The following TUBA8 variants were observed in gnomAD, a reference collection of about 807,000 sequenced individuals.
TUBA8 encodes tubulin alpha 8, also known as tubulin alpha-8 chain.
A neutral mutation model predicts 34.7 loss-of-function variants in TUBA8; 29 were observed. That is an observed-to-expected ratio of 0.84 (90% CI 0.62 to 1.14). The LOEUF is 1.14. Ranked by LOEUF, TUBA8 falls within the 50% of genes most tolerant of loss-of-function variation. The pLI is 0.00. For synonymous variants in TUBA8, 226 were observed against 231.2 expected (o/e 0.98, Z 0.21); for missense variants, 541 against 599.2 (o/e 0.90, Z 1.01).
rs1927784616 is a variant in TUBA8 at position 18,110,949 on chromosome 22, G to T, written c.3+81G>T. On this transcript the variant is annotated intron_variant, in intron 1 of 4. Transcript: ENST00000330423. The surrounding 1 kb of genome is among the most constrained non-coding windows in gnomAD (Gnocchi z 6.2). ...AGCCGAGTCTACGCGGAGGCGCACG[G>T]ACCCGTCTTCCTGGAGCCGCAGGGC... 6.5e-7 allele frequency: 1 copy of T among 1,531,800 alleles called. No homozygotes were observed. Among genetic ancestry groups the T allele is most frequent in the South Asian group, 1.2e-5 (1 of 83,892 alleles). 94.9% of individuals were successfully genotyped at this position (1,531,800 alleles called of 1,614,324 possible).
At chr22:18,128,100 CCTCT>C (rs1928396427) in intron 4 of TUBA8, 1 of 152,100 alleles carries the variant, frequency 6.6e-6, no homozygotes, top group Non-Finnish European at 1.5e-5. Context: ...GAGTATGATG[CCTCT>C]CTCTAACAAA....
chr22:18,113,482 G>A (rs1025812801), intron 1 of TUBA8: 3 of 152,270 alleles, frequency 2.0e-5, no homozygotes, highest in Non-Finnish European at 2.9e-5. Flanking sequence ...GCACAGAGAA[G>A]TTTTCTGTGG....
At chr22:18,117,463 T>C (rs1245695134) in intron 1 of TUBA8, 1 of 152,334 alleles carries the variant, frequency 6.6e-6, no homozygotes, top group East Asian at 1.9e-4. Context: ...CCCTCCCAGC[T>C]CTTCATTTCT....
At position 18,110,845 on chromosome 22, in the gene TUBA8, C is replaced by T. The variant is rs1204358072; in HGVS notation, c.-21C>T. On this transcript the variant is annotated 5_prime_UTR_variant, in exon 1 of 5. Transcript: ENST00000330423. This position sits in a 1 kb window ranked among gnomAD's most constrained non-coding sequence, Gnocchi z 6.2. Reference sequence around the variant, plus strand: ...CGGGCAGGCCCAGCTGAGAGGTGCGCGGGCGAGGACAGCGGCAGCGATGGT... The same window carrying T: ...CGGGCAGGCCCAGCTGAGAGGTGCGTGGGCGAGGACAGCGGCAGCGATGGT... 1 of 1,543,060 alleles carries T rather than the reference C, an allele frequency of 6.5e-7. No homozygotes were observed. The highest frequency in any genetic ancestry group is 1.4e-5 in the African/African-American group (1 of 73,712).
Position 18,118,406 on chromosome 22 carries a change from C to G in TUBA8, c.4-3073C>G, listed in dbSNP as rs1928042589. ...TTTTCATCTTGCATCCTGCTTCACTCAAATGCTGCCATCAGTACTTGTGAG... is the reference window on the plus strand; with the variant it reads ...TTTTCATCTTGCATCCTGCTTCACTGAAATGCTGCCATCAGTACTTGTGAG... On this transcript the variant is annotated intron_variant, in intron 1 of 4. Coordinates refer to ENST00000330423, the MANE Select transcript of TUBA8 (RefSeq NM_018943.3). This position sits in a 1 kb window ranked among gnomAD's most constrained non-coding sequence, Gnocchi z 4.0. 6.6e-6 allele frequency: 1 copy of G among 152,250 alleles called. No homozygotes were observed. The highest frequency in any genetic ancestry group is 6.5e-5 in the Admixed American group (1 of 15,282). 9.4% of individuals were successfully genotyped at this position (152,250 alleles called of 1,614,324 possible).
Position 18,118,081 on chromosome 22 carries a change from C to A in TUBA8, c.4-3398C>A, listed in dbSNP as rs1928031013. On this transcript the variant is annotated intron_variant, in intron 1 of 4. Transcript: ENST00000330423. This position sits in a 1 kb window ranked among gnomAD's most constrained non-coding sequence, Gnocchi z 4.0. ...TTAGCGATGCTGAGATTGATCGCGG[C>A]CTTAGGCTGGCGACCCTGGTAGTTA... The A allele has an allele frequency of 6.6e-6, 1 of 152,160 alleles. No homozygotes were observed. The highest frequency in any genetic ancestry group is 2.1e-4 in the South Asian group (1 of 4,822). 9.4% of individuals were successfully genotyped at this position (152,160 alleles called of 1,614,324 possible). A position where few individuals can be genotyped will look rare whatever the true frequency, so the allele number is the denominator to read the frequency against.
chr22:18,123,183 C>T (rs1436863035), intron 2 of TUBA8: 1 of 145,452 alleles, frequency 6.9e-6, no homozygotes, highest in African/African-American at 2.6e-5. Context: ...AAAAGGGAAA[C>T]CTGGAGGAGT....
In TUBA8 at chr22:18,131,412, G is replaced by A. The variant is rs958759343; in HGVS notation, c.*276G>A. ...TGCAGCCCAGTTTCACATGCGAGGA[G>A]GCCTAATCAGGAGTTTCAATTCCAG... On this transcript the variant is annotated 3_prime_UTR_variant, in exon 5 of 5. Coordinates refer to ENST00000330423, the MANE Select transcript of TUBA8 (RefSeq NM_018943.3). This position sits in a 1 kb window ranked among gnomAD's most constrained non-coding sequence, Gnocchi z 5.3. The A allele has an allele frequency of 4.7e-5, 21 of 446,524 alleles. No homozygotes were observed. Among genetic ancestry groups the A allele is most frequent in the Middle Eastern group, 6.4e-4 (1 of 1,566 alleles). The allele number at this position is 446,524 out of a possible 1,614,324, so 27.7% of individuals were successfully genotyped here. A position where few individuals can be genotyped will look rare whatever the true frequency, so the allele number is the denominator to read the frequency against.
rs1001162366 is a variant in TUBA8, at chr22:18,111,012, G to A, written c.3+144G>A. On this transcript the variant is annotated intron_variant, in intron 1 of 4. Coordinates refer to ENST00000330423, the MANE Select transcript of TUBA8 (RefSeq NM_018943.3). This position sits in a 1 kb window ranked among gnomAD's most constrained non-coding sequence, Gnocchi z 5.1. ...GGGGGTGGCAGTTCAGGGTCGAGGA[G>A]TCCGCACCCTCGGGCGGGAACACCC... The A allele has an allele frequency of 2.4e-6, 3 of 1,266,122 alleles. No individual in the cohort carries two copies. Among genetic ancestry groups the A allele is most frequent in the Admixed American group, 4.1e-5 (2 of 49,096 alleles). The allele number at this position is 1,266,122 out of a possible 1,614,324, so 78.4% of individuals were successfully genotyped here. A position where few individuals can be genotyped will look rare whatever the true frequency, so the allele number is the denominator to read the frequency against.
Position 18,124,544 on chromosome 22 carries a change from C to A in TUBA8, c.375+240C>A. The A allele has an allele frequency of 6.2e-6, 3 of 486,350 alleles. No individual in the cohort carries two copies. Among genetic ancestry groups the A allele is most frequent in the East Asian group, 3.3e-5 (1 of 30,706 alleles). The allele number at this position is 486,350 out of a possible 1,614,324, so 30.1% of individuals were successfully genotyped here. On this transcript the variant is annotated intron_variant, in intron 3 of 4. Coordinates refer to ENST00000330423, the MANE Select transcript of TUBA8 (RefSeq NM_018943.3). This position sits in a 1 kb window ranked among gnomAD's most constrained non-coding sequence, Gnocchi z 4.3. Reference sequence around the variant, plus strand: ...GGCCCTACTCATACTCATTGATACTCTCTGTTAGTATCTGGGGAAGGTTCC... The same window carrying A: ...GGCCCTACTCATACTCATTGATACTATCTGTTAGTATCTGGGGAAGGTTCC...
At chr22:18,127,197 A>C (rs1928357943) in intron 4 of TUBA8, 163 bp downstream of exon 4, 5 of 712,170 alleles carry the variant, frequency 7.0e-6, no homozygotes, top group Non-Finnish European at 1.1e-5. Flanking sequence ...GTTGAGACAC[A>C]AGTGCTGTCA....
At position 18,121,747 on chromosome 22, in the gene TUBA8, G is replaced by C; in HGVS notation, c.226+46G>C. On this transcript the variant is annotated intron_variant, in intron 2 of 4. Coordinates refer to ENST00000330423, the MANE Select transcript of TUBA8 (RefSeq NM_018943.3). The surrounding 1 kb of genome is among the most constrained non-coding windows in gnomAD (Gnocchi z 4.8). ...CCTCCACAGAGAACATCTCGAAACT[G>C]CAGAGGCATTGGCCCACAGTAGCTA... is the stretch of plus-strand genomic sequence containing the variant. 6.3e-7 allele frequency: 1 copy of C among 1,578,546 alleles called. No homozygotes were observed. Among genetic ancestry groups the C allele is most frequent in the Non-Finnish European group, 8.7e-7 (1 of 1,150,690 alleles).
Position 18,121,741 on chromosome 22 carries a change from G to A in TUBA8, c.226+40G>A, listed in dbSNP as rs755577541. On this transcript the variant is annotated intron_variant, in intron 2 of 4. Coordinates refer to ENST00000330423, the MANE Select transcript of TUBA8 (RefSeq NM_018943.3). This position sits in a 1 kb window ranked among gnomAD's most constrained non-coding sequence, Gnocchi z 4.8. ...AGTTCCCCTCCACAGAGAACATCTC[G>A]AAACTGCAGAGGCATTGGCCCACAG... The A allele has an allele frequency of 3.8e-6, 6 of 1,588,500 alleles. No individual in the cohort carries two copies. Among genetic ancestry groups the A allele is most frequent in the East Asian group, 2.2e-5 (1 of 44,688 alleles).
rs139375761 is a variant in TUBA8 at position 18,117,829 on chromosome 22, T to C, written c.4-3650T>C. 4.9e-4 allele frequency: 73 copies of C among 150,062 alleles called. 1 individual carries two copies. Among genetic ancestry groups the C allele is most frequent in the African/African-American group, 1.7e-3 (71 of 40,574 alleles). The allele number at this position is 150,062 out of a possible 1,614,324, so 9.3% of individuals were successfully genotyped here. The stretch of plus-strand genomic sequence containing the variant: ...AAAAAAAATTAAGAAAAAAAAAGGC[T>C]GGACCAGCTGCCCTGTAGGATGTCT... On this transcript the variant is annotated intron_variant, in intron 1 of 4. Coordinates refer to ENST00000330423, the MANE Select transcript of TUBA8 (RefSeq NM_018943.3).
Position 18,126,639 on chromosome 22 carries a change from C to T in TUBA8, c.661C>T (p.Arg221Cys), listed in dbSNP as rs140547351. The T allele has an allele frequency of 2.2e-5, 36 of 1,614,022 alleles. No individual in the cohort carries two copies. The highest frequency in any genetic ancestry group is 3.3e-4 in the Middle Eastern group (2 of 6,084). ...DICRRNLDIE[R>C]PTYTNLNRLI... ...CTGCCGCAGGAACCTTGACATTGAG[C>T]GCCCTACCTATACCAACCTCAACCG... is the stretch of plus-strand genomic sequence containing the variant. Residue 221 changes from arginine (R) to cysteine (C), a missense_variant, in exon 4 of 5, where the codon CGC becomes TGC. By Grantham distance (180) the Arg-to-Cys change is radical (BLOSUM62 -3). Coordinates refer to ENST00000330423, the MANE Select transcript of TUBA8 (RefSeq NM_018943.3). The surrounding 1 kb of genome is among the most constrained non-coding windows in gnomAD (Gnocchi z 4.0).
chr22:18,115,506 C>T (rs1927939733), intron 1 of TUBA8: 1 of 152,222 alleles, frequency 6.6e-6, no homozygotes, highest in Non-Finnish European at 1.5e-5. Flanking sequence ...ACTGGGGATT[C>T]CTTGAGTGAA....
Position 18,126,805 on chromosome 22 carries a change from T to A in TUBA8, c.827T>A (p.Ile276Asn), listed in dbSNP as rs767278774. Residue 276 changes from isoleucine to asparagine, a missense_variant, in exon 4 of 5, where the codon ATC (isoleucine) becomes AAC (asparagine). Ile to Asn is a moderately radical substitution (Grantham distance 149). Transcript: ENST00000330423. This position sits in a 1 kb window ranked among gnomAD's most constrained non-coding sequence, Gnocchi z 4.0. ...HFPLVTYAPI[I>N]SAEKAYHEQL... The stretch of plus-strand genomic sequence containing the variant: ...CCGCTGGTCACCTACGCGCCCATCA[T>A]CTCTGCCGAGAAAGCCTATCACGAA... 1.9e-6 allele frequency: 3 copies of A among 1,613,724 alleles called. No individual in the cohort carries two copies. The Admixed American group carries it at 5.0e-5, about 27-fold the overall frequency.
At position 18,110,975 on chromosome 22, in the gene TUBA8, T is replaced by G; in HGVS notation, c.3+107T>G. 6.6e-7 allele frequency: 1 copy of G among 1,508,000 alleles called. No homozygotes were observed. Among genetic ancestry groups the G allele is most frequent in the Non-Finnish European group, 8.9e-7 (1 of 1,124,180 alleles). 93.4% of individuals were successfully genotyped at this position (1,508,000 alleles called of 1,614,324 possible). On this transcript the variant is annotated intron_variant, in intron 1 of 4. Coordinates refer to ENST00000330423, the MANE Select transcript of TUBA8 (RefSeq NM_018943.3). This position sits in a 1 kb window ranked among gnomAD's most constrained non-coding sequence, Gnocchi z 6.2. ...ACCCGTCTTCCTGGAGCCGCAGGGC[T>G]CAAGGCCTTCTGGGGGTGGCAGTTC...
In TUBA8 at chr22:18,126,263, G is replaced by A. The variant is rs543348447; in HGVS notation, c.376-91G>A. ...TGATTTCATCCACAAAAAAATATGAGGCAGACAGAGTGGGCGGTCTGGCTT... is the reference window on the plus strand; with the variant it reads ...TGATTTCATCCACAAAAAAATATGAAGCAGACAGAGTGGGCGGTCTGGCTT... On this transcript the variant is annotated intron_variant, in intron 3 of 4. Transcript: ENST00000330423. The surrounding 1 kb of genome is among the most constrained non-coding windows in gnomAD (Gnocchi z 4.0). 43 of 1,202,672 alleles carry A rather than the reference G, an allele frequency of 3.6e-5. No individual in the cohort carries two copies. The South Asian group carries it at 4.4e-4, about 12-fold the overall frequency. The allele number at this position is 1,202,672 out of a possible 1,614,324, so 74.5% of individuals were successfully genotyped here.
Sources: allele counts gnomAD v4.1 joint callset, GRCh38; gene constraint gnomAD v4.1.1; non-coding constraint Gnocchi (gnomAD v3.1); transcripts MANE v1.5; gene names NCBI Gene and HGNC (gene_info 2026-07-23, HGNC 2026-07-21).